Variants in TDRD9 observed in about 807,000 individuals in gnomAD.
TDRD9 encodes the protein ATP-dependent RNA helicase TDRD9.
Under a neutral mutation model 172.6 loss-of-function variants are expected in TDRD9, and 124 were observed. That is an observed-to-expected ratio of 0.72 (90% CI 0.62 to 0.83). The LOEUF is 0.83. TDRD9 is among the 40% of genes least tolerant of loss of function. TDRD9 has a pLI of 0.00. For missense variants in TDRD9, 1,479 were observed against 1,714.1 expected (o/e 0.86, Z 2.42); for synonymous variants, 619 against 617.1 (o/e 1.00, Z -0.05).
At position 103,965,388 on chromosome 14, in the gene TDRD9, G is replaced by A; in HGVS notation, c.476G>A (p.Ser159Asn). ...GTGATTATCCATGGGGCCACGGGAAGCGGTAAAAGCACTCAGCTCCCGCAG... is the reference window on the plus strand; with the variant it reads ...GTGATTATCCATGGGGCCACGGGAAACGGTAAAAGCACTCAGCTCCCGCAG... ...SVVIIHGATGSGKSTQLPQYI... is the reference protein window; with the variant it reads ...SVVIIHGATGNGKSTQLPQYI... Residue 159 changes from serine (S) to asparagine (N), a missense_variant, in exon 4 of 36, where the codon AGC becomes AAC. Transcript: ENST00000409874. The A allele has an allele frequency of 1.3e-6, 2 of 1,551,750 alleles. No individual in the cohort carries two copies. The highest frequency in any genetic ancestry group is 2.0e-5 in the Admixed American group (1 of 51,006).
At chr14:104,022,950 C>T (rs975330568) in intron 24 of TDRD9, among the ~76,000 whole-genome samples, 4 of 151,274 alleles carry the variant, frequency 2.6e-5, no homozygotes, top group Non-Finnish European at 4.4e-5. Flanking sequence ...GAGACCGAGG[C>T]GGGAGGATCA....
At chr14:104,026,564 C>A (rs1377972052) in intron 27 of TDRD9, 115 bp from the exon 28 acceptor site, 2 of 1,278,894 alleles carry the variant, frequency 1.6e-6, no homozygotes, top group Non-Finnish European at 2.2e-6. Context: ...TTTATTGGGA[C>A]TTTTATGAGA....
rs764174731 is a variant in TDRD9, at chr14:104,025,545, T to C, written c.2719-19T>C. ...AGTCCTTTCTAGATTTCATCTCTTCTCCTCCTCTTCCTTTTTAGGTGGTTG... is the reference window on the plus strand; with the variant it reads ...AGTCCTTTCTAGATTTCATCTCTTCCCCTCCTCTTCCTTTTTAGGTGGTTG... On this transcript the variant is annotated intron_variant, in intron 25 of 35. Coordinates refer to ENST00000409874, the MANE Select transcript of TDRD9 (RefSeq NM_153046.3). The C allele has an allele frequency of 6.2e-7, 1 of 1,606,966 alleles. No individual in the cohort carries two copies. The highest frequency in any genetic ancestry group is 1.7e-5 in the Admixed American group (1 of 59,704).
rs373060575 is a variant in TDRD9, at chr14:104,026,715, G to A, written c.3058G>A (p.Ala1020Thr). Residue 1020 changes from alanine to threonine, a missense_variant, in exon 28 of 36, where the codon GCA becomes ACA. Ala to Thr is a moderately conservative substitution (Grantham distance 58, BLOSUM62 0). This residue lies in a region of TDRD9 where 1,413 missense variants were observed against 1,649.1 expected (regional missense o/e 0.86). Transcript: ENST00000409874. ...EFKICKMRPS[A>T]KSLVCGKHWS... ...TAAGATTTGCAAAATGAGACCATCA[G>A]CAAAGTCTCTTGTTTGTGGCAAGCA... The A allele has an allele frequency of 1.4e-5, 22 of 1,613,888 alleles. No individual in the cohort carries two copies. The highest frequency in any genetic ancestry group is 3.3e-5 in the Admixed American group (2 of 60,010).
At chr14:103,983,318 C>T (rs1473974605) in intron 7 of TDRD9, among the ~76,000 whole-genome samples, 2 of 152,036 alleles carry the variant, frequency 1.3e-5, no homozygotes, top group Non-Finnish European at 2.9e-5. Flanking sequence ...CCGGCTCGAC[C>T]TCCCAAAGTG....
rs561711804 is a variant in TDRD9 at position 103,929,047 on chromosome 14, C to T, written c.215+323C>T. 6 of 160,300 alleles carry T rather than the reference C, an allele frequency of 3.7e-5. No homozygotes were observed. In the East Asian group the frequency reaches 7.3e-4, roughly 19 times the overall value. The allele number at this position is 160,300 out of a possible 1,614,324, so 9.9% of individuals were successfully genotyped here. ...ATAGGCCCCTTCCCTCCCAGAGTTT[C>T]CCCTGTGAGCATCTGCGTAAGGTGT... On this transcript the variant is annotated intron_variant, in intron 1 of 35. Coordinates refer to ENST00000409874, the MANE Select transcript of TDRD9 (RefSeq NM_153046.3).
At position 103,928,545 on chromosome 14, in the gene TDRD9, C is replaced by A; in HGVS notation, c.36C>A (p.Asp12Glu). The change falls in exon 1 of 36, where the codon GAC becomes GAA. Residue 12 changes from aspartate to glutamate, a missense_variant. By Grantham distance (45) the Asp-to-Glu change is conservative. Coordinates refer to ENST00000409874, the MANE Select transcript of TDRD9 (RefSeq NM_153046.3). ...LRKLTIEQIN[D>E]WFTIGKTVTN... ...AGCTCACCATCGAGCAGATCAACGA[C>A]TGGTTCACCATCGGCAAGACGGTGA... The A allele has an allele frequency of 7.2e-7, 1 of 1,394,592 alleles. No individual in the cohort carries two copies. Among genetic ancestry groups the A allele is most frequent in the South Asian group, 1.4e-5 (1 of 69,218 alleles). 86.4% of individuals were successfully genotyped at this position (1,394,592 alleles called of 1,614,324 possible). A position where few individuals can be genotyped will look rare whatever the true frequency, so the allele number is the denominator to read the frequency against.
intron 28 of TDRD9, among the ~76,000 whole-genome samples, chr14:104,028,556 T>A (rs2035192817): frequency 6.6e-6 from 1 of 152,206 alleles, no homozygotes; most frequent in African/African-American, 2.4e-5. Flanking sequence ...TTTTGCTGTT[T>A]GAGTTCCTTG....
intron 24 of TDRD9, among the ~76,000 whole-genome samples, chr14:104,022,755 A>C (rs1345490056): frequency 6.6e-6 from 1 of 151,360 alleles, no homozygotes. Flanking sequence ...TAAATAAATA[A>C]ATAAATAAAA....
At chr14:104,047,616 ACGTCTGTC>A in intron 34 of TDRD9, among the ~76,000 whole-genome samples, 1 of 151,978 alleles carries the variant, frequency 6.6e-6, no homozygotes, top group Non-Finnish European at 1.5e-5. Flanking sequence ...ATTGCTTTGC[ACGTCTGTC>A]AGTGCGCTGG....
intron 1 of TDRD9, among the ~76,000 whole-genome samples, chr14:103,950,869 A>G (rs1426549502): frequency 6.6e-6 from 1 of 152,236 alleles, no homozygotes; most frequent in South Asian, 2.1e-4. Flanking sequence ...ACAACCTTGC[A>G]CAAAGGCCAT....
intron 1 of TDRD9, among the ~76,000 whole-genome samples, chr14:103,950,090 C>CTTTTTTT (rs58379140): frequency 4.6e-4 from 50 of 108,442 alleles, no homozygotes; most frequent in East Asian, 8.1e-4. Flanking sequence ...TCCTTCCTTC[C>CTTTTTTT]TTTTTTTTTT....
At chr14:103,968,767 G>A (rs1358809946) in intron 5 of TDRD9, among the ~76,000 whole-genome samples, 2 of 45,804 alleles carry the variant, frequency 4.4e-5, no homozygotes, top group Non-Finnish European at 5.0e-5. Context: ...CTGCACTCCA[G>A]CCTGGGCGAC....
At chr14:103,984,339 G>T (rs553243813) in intron 7 of TDRD9, among the ~76,000 whole-genome samples, 9 of 152,322 alleles carry the variant, frequency 5.9e-5, no homozygotes, top group African/African-American at 2.2e-4. Context: ...CACAGGCCTG[G>T]AGGCCTAGGA....
In TDRD9 at chr14:104,034,010, C is replaced by G. The variant is rs1250947187; in HGVS notation, c.3560C>G (p.Ala1187Gly). ...ATCAACTCTGTCATTATCAGTGACG[C>G]CCCTGAAGACCTTCACCAGAGAATG... is the stretch of plus-strand genomic sequence containing the variant. Reference protein sequence around the residue: ...ESINSVIISDAPEDLHQRMLV... With the variant: ...ESINSVIISDGPEDLHQRMLV... The change falls in exon 31 of 36, where the codon GCC becomes GGC. Residue 1187 changes from alanine (A) to glycine (G), a missense_variant. Coordinates refer to ENST00000409874, the MANE Select transcript of TDRD9 (RefSeq NM_153046.3). 1.4e-5 allele frequency: 22 copies of G among 1,551,440 alleles called. No homozygotes were observed. Among genetic ancestry groups the G allele is most frequent in the East Asian group, 4.9e-5 (2 of 40,908 alleles).
At chr14:104,000,362 T>C (rs1276009577) in intron 13 of TDRD9, among the ~76,000 whole-genome samples, 2 of 146,304 alleles carry the variant, frequency 1.4e-5, no homozygotes, top group Non-Finnish European at 3.0e-5. Flanking sequence ...GTCACAGAGG[T>C]TCTCATCACT....
Position 104,006,503 on chromosome 14 carries a change from C to T in TDRD9, c.1828C>T (p.Leu610Phe). 6.2e-7 allele frequency: 1 copy of T among 1,613,916 alleles called. No homozygotes were observed. Among genetic ancestry groups the T allele is most frequent in the Non-Finnish European group, 8.5e-7 (1 of 1,179,814 alleles). The change falls in exon 16 of 36, where the codon CTC becomes TTC. Residue 610 changes from leucine to phenylalanine, a missense_variant. Physicochemically the swap from Leu to Phe is conservative, Grantham distance 22 (BLOSUM62 0). This residue lies in a region of TDRD9 where 1,413 missense variants were observed against 1,649.1 expected (regional missense o/e 0.86). Transcript: ENST00000409874. ...QLPVNQQLGK[L>F]IVLGHVFGCL... ...TCCTGTAAATCAGCAACTTGGTAAA[C>T]TCATAGTCCTTGGACATGTATTTGG...
rs549106500 is a variant in TDRD9 at position 104,042,482 on chromosome 14, G to A, written c.3974+295G>A. On this transcript the variant is annotated intron_variant, in intron 34 of 35. Coordinates refer to ENST00000409874, the MANE Select transcript of TDRD9 (RefSeq NM_153046.3). ...CCTAGTGGTGGGTGTCTTAGGGATT[G>A]GGGGAGTCCGGCTTGTAGGATTGGG... 3.9e-4 allele frequency among the ~76,000 whole-genome samples: 60 copies of A among 152,246 alleles called. 1 individual carries two copies. The South Asian group carries it at 7.7e-3, about 19-fold the overall frequency.
chr14:103,956,099 AAAAAAAAAAAAAATATATATAT>A (rs1183104182), intron 2 of TDRD9, among the ~76,000 whole-genome samples: 2 of 53,324 alleles, frequency 3.8e-5, no homozygotes, highest in South Asian at 7.7e-4. Context: ...AAAAAAAAAA[AAAAAAAAAAAAAATATATATAT>A]ATATATATAT....
Sources: allele counts gnomAD v4.1 joint callset (sites outside exome capture counted in the v4.1 genomes callset), GRCh38; gene constraint gnomAD v4.1.1; regional missense constraint gnomAD v4.1.1; transcripts MANE v1.5; gene names NCBI Gene and HGNC (gene_info 2026-07-23, HGNC 2026-07-21).